The following NF2 variants were observed in gnomAD, a reference collection of about 807,000 sequenced individuals.
NF2 encodes NF2, moesin-ezrin-radixin like (MERLIN) tumor suppressor, also known as merlin.
NF2 carries 8 observed loss-of-function variants against 83.7 expected under a neutral mutation model. The observed-to-expected ratio is 0.10, with a 90% CI of 0.06 to 0.17. The LOEUF (loss-of-function observed/expected upper bound fraction) is 0.17, where lower values mean the gene tolerates loss of function less well. NF2 is among the 10% of genes least tolerant of loss of function. The pLI, the probability that NF2 is intolerant of heterozygous loss-of-function variation, is 1.00. For missense variants in NF2, 533 were observed against 744.4 expected (o/e 0.72, Z 3.31); for synonymous variants, 266 against 269.6 (o/e 0.99, Z 0.13).
intron 1 of NF2, among the ~76,000 whole-genome samples, chr22:29,624,149 C>T (rs1240886659): frequency 6.6e-6 from 1 of 152,160 alleles, no homozygotes; most frequent in African/African-American, 2.4e-5. Flanking sequence ...ACTCTTTAAA[C>T]CTCAGTTGCT....
In NF2 at chr22:29,681,534, C is replaced by A; in HGVS notation, c.1670C>A (p.Ala557Asp). Residue 557 changes from alanine to aspartate, a missense_variant, in exon 15 of 16, where the codon GCT (alanine) becomes GAT (aspartate). By Grantham distance (126) the Ala-to-Asp change is moderately radical (BLOSUM62 -2). Transcript: ENST00000338641. ...EALKLKERET[A>D]LDILHNENSD... ...TTGAAACTGAAAGAGAGGGAGACAGCTCTGGATATTCTGCACAATGAGAAC... is the reference window on the plus strand; with the variant it reads ...TTGAAACTGAAAGAGAGGGAGACAGATCTGGATATTCTGCACAATGAGAAC... The A allele has an allele frequency of 6.2e-7, 1 of 1,614,176 alleles. No homozygotes were observed. The highest frequency in any genetic ancestry group is 1.1e-5 in the South Asian group (1 of 91,082).
intron 8 of NF2, among the ~76,000 whole-genome samples, chr22:29,662,966 T>C (rs2066519442): frequency 6.6e-6 from 1 of 152,198 alleles, no homozygotes; most frequent in South Asian, 2.1e-4. Flanking sequence ...TTTCCTGTTT[T>C]CTCTTTTTCA....
In NF2 at chr22:29,644,411, G is replaced by A. The variant is rs570215967; in HGVS notation, c.447+2126G>A. On this transcript the variant is annotated intron_variant, in intron 4 of 15. Transcript: ENST00000338641. ...CACTTCCCAGATGGGATGGCGGCTG[G>A]GCAGAGACGCTCCTCACTTTCCAGA... Among the ~76,000 whole-genome samples the A allele has an allele frequency of 6.1e-4, 93 of 151,636 alleles. 2 individuals are homozygous for A. The East Asian group carries it at 1.0e-2, about 16-fold the overall frequency.
intron 4 of NF2, among the ~76,000 whole-genome samples, chr22:29,643,978 C>T (rs369242196): frequency 3.0e-5 from 4 of 131,922 alleles, no homozygotes; most frequent in East Asian, 4.0e-4. Flanking sequence ...GCTGACCCCC[C>T]CACCTCCCTC....
At position 29,609,183 on chromosome 22, in the gene NF2, GA is replaced by G. The variant is rs2064883559; in HGVS notation, c.114+5073del. 29 of 743,726 alleles carry G rather than the reference GA, an allele frequency of 3.9e-5. No individual in the cohort carries two copies. In the South Asian group the frequency reaches 3.9e-4, roughly 10 times the overall value. The allele number at this position is 743,726 out of a possible 1,614,324, so 46.1% of individuals were successfully genotyped here. A position where few individuals can be genotyped will look rare whatever the true frequency, so the allele number is the denominator to read the frequency against. On this transcript the variant is annotated intron_variant, in intron 1 of 15. Coordinates refer to ENST00000338641, the MANE Select transcript of NF2 (RefSeq NM_000268.4). Reference sequence around the variant, plus strand: ...AAGGTTGGCCTTGCCATAAAACCAGGAACCTCAGTTCAGTATTTGGCACCAT... The same window carrying G: ...AAGGTTGGCCTTGCCATAAAACCAGGACCTCAGTTCAGTATTTGGCACCAT...
In NF2 at chr22:29,696,470, G is replaced by T. The variant is rs2067555780; in HGVS notation, c.*1668G>T. On this transcript the variant is annotated 3_prime_UTR_variant, in exon 16 of 16. Transcript: ENST00000338641. ...CAGATAAAAGATAGAGGCTATGGGG[G>T]CCTCAAGATTTTTGGAGAGCAGAGG... 1.4e-5 allele frequency: 3 copies of T among 220,966 alleles called. No individual in the cohort carries two copies. Among genetic ancestry groups the T allele is most frequent in the Non-Finnish European group, 2.7e-5 (3 of 110,148 alleles). The allele number at this position is 220,966 out of a possible 1,614,324, so 13.7% of individuals were successfully genotyped here.
chr22:29,623,581 G>A (rs926419119), intron 1 of NF2, among the ~76,000 whole-genome samples: 9 of 152,252 alleles, frequency 5.9e-5, no homozygotes, highest in Admixed American at 3.3e-4. Flanking sequence ...GACCAAGAAT[G>A]AGCAGAAGAC....
intron 6 of NF2, among the ~76,000 whole-genome samples, chr22:29,656,066 G>A (rs2066298091): frequency 1.3e-5 from 2 of 151,782 alleles, no homozygotes; most frequent in African/African-American, 2.4e-5. Context: ...AGCACCCCCA[G>A]TAGCTGGCAC....
chr22:29,615,435 T>C (rs1364811575), intron 1 of NF2, among the ~76,000 whole-genome samples: 1 of 152,000 alleles, frequency 6.6e-6, no homozygotes, highest in Non-Finnish European at 1.5e-5. Context: ...TAGCCAGGCG[T>C]GGTGGCTTGC....
At chr22:29,668,524 C>A in intron 10 of NF2, 78 bp downstream of exon 10, 1 of 1,079,420 alleles carries the variant, frequency 9.3e-7, no homozygotes, top group East Asian at 2.4e-5. Flanking sequence ...TGGTCATGGG[C>A]TGGCAGGAGT....
At chr22:29,608,136 G>T (rs1220355050) in intron 1 of NF2, among the ~76,000 whole-genome samples, 6 of 106,674 alleles carry the variant, frequency 5.6e-5, no homozygotes, top group Admixed American at 4.4e-4. Flanking sequence ...TCGAGCCACT[G>T]CACACCAGCC....
intron 15 of NF2, among the ~76,000 whole-genome samples, chr22:29,688,825 C>T (rs1034914758): frequency 6.6e-6 from 1 of 152,234 alleles, no homozygotes; most frequent in South Asian, 2.1e-4. Context: ...GTGGATAGTG[C>T]TCCCACTGTG....
At chr22:29,690,494 C>T (rs528919474) in intron 15 of NF2, among the ~76,000 whole-genome samples, 105 of 152,222 alleles carry the variant, frequency 6.9e-4, no homozygotes, top group South Asian at 5.0e-3. Context: ...AGGGACCCTG[C>T]CGGGGCTGAG....
chr22:29,696,096 T>C lies in NF2; in HGVS notation c.*1294T>C. On this transcript the variant is annotated 3_prime_UTR_variant, in exon 16 of 16. Coordinates refer to ENST00000338641, the MANE Select transcript of NF2 (RefSeq NM_000268.4). ...TTTTTTTTTTTTTTTTTTTCCGAGA[T>C]GGAGTCTCTCTCTGTCACCCAGGTG... 4.9e-6 allele frequency: 1 copy of C among 203,952 alleles called. No homozygotes were observed. The allele number at this position is 203,952 out of a possible 1,614,324, so 12.6% of individuals were successfully genotyped here.
rs1045749006 is a variant in NF2 at position 29,676,249 on chromosome 22, C to T, written c.1446+1308C>T. On this transcript the variant is annotated intron_variant, in intron 13 of 15. Transcript: ENST00000338641. ...AATGCGGTGGCAGAATCTCGGCTCA[C>T]TGCAACCTTAGCCTCATAGGCTCAA... 6.6e-6 allele frequency among the ~76,000 whole-genome samples: 1 copy of T among 152,090 alleles called. No homozygotes were observed. Among genetic ancestry groups the T allele is most frequent in the Non-Finnish European group, 1.5e-5 (1 of 68,026 alleles).
chr22:29,622,646 ATTTTTTTTTTTTTT>A (rs35744962), intron 1 of NF2, among the ~76,000 whole-genome samples: 7 of 63,278 alleles, frequency 1.1e-4, no homozygotes, highest in South Asian at 1.2e-3. Flanking sequence ...AAGACCCTGT[ATTTTTTTTTTTTTT>A]TTTTTTTTTT....
chr22:29,663,840 G>A lies in NF2; in HGVS notation c.811-1150G>A, dbSNP rs558622011. ...AGTGCATCTTGGAAATCTAGGATCTGTTTGGTCTTATCGGGAGTGGTTGAG... is the reference window on the plus strand; with the variant it reads ...AGTGCATCTTGGAAATCTAGGATCTATTTGGTCTTATCGGGAGTGGTTGAG... On this transcript the variant is annotated intron_variant, in intron 8 of 15. Transcript: ENST00000338641. Among the ~76,000 whole-genome samples, 115 of 152,320 alleles carry A rather than the reference G, an allele frequency of 7.5e-4. 2 individuals carry two copies. The highest frequency in any genetic ancestry group is 2.7e-3 in the African/African-American group (113 of 41,566).
intron 6 of NF2, 130 bp downstream of exon 6, chr22:29,655,806 G>A (rs2146975707): frequency 1.3e-6 from 1 of 747,774 alleles, no homozygotes; most frequent in East Asian, 2.6e-5. Flanking sequence ...AAGAAAAGGG[G>A]AGAGCTGGGG....
chr22:29,619,273 G>A (rs2065151435), intron 1 of NF2, among the ~76,000 whole-genome samples: 1 of 152,154 alleles, frequency 6.6e-6, no homozygotes, highest in Non-Finnish European at 1.5e-5. Flanking sequence ...TCGAACTCCT[G>A]ACCTCAGGTG....
Sources: allele counts gnomAD v4.1 joint callset (sites outside exome capture counted in the v4.1 genomes callset), GRCh38; gene constraint gnomAD v4.1.1; transcripts MANE v1.5; gene names NCBI Gene and HGNC (gene_info 2026-07-23, HGNC 2026-07-21).